The following ESRRG variants were observed in gnomAD, a reference collection of about 807,000 sequenced individuals.
The protein encoded by ESRRG is estrogen related receptor gamma.
In ESRRG, 13 loss-of-function variants were observed where a neutral mutation model predicts 44.0. The observed-to-expected ratio is 0.30, with a 90% confidence interval of 0.19 to 0.47. The LOEUF (loss-of-function observed/expected upper bound fraction) is 0.47, where lower values mean the gene tolerates loss of function less well. ESRRG is among the 20% of genes least tolerant of loss of function. The pLI is 1.00. For synonymous variants in ESRRG, 215 were observed against 214.6 expected, an observed-to-expected ratio of 1.00 and a Z score of -0.02; for missense variants, 395 against 580.6, an observed-to-expected ratio of 0.68 and a Z score of 3.29.
intron 2 of ESRRG, among the ~76,000 whole-genome samples, chr1:216,663,254 C>G (rs572993743): frequency 6.6e-6 from 1 of 151,944 alleles, no homozygotes; most frequent in East Asian, 1.9e-4. Context: ...GAGGCAAAAG[C>G]AGGGGAAAAA....
At chr1:217,053,253 G>A (rs781083056) in intron 1 of ESRRG, among the ~76,000 whole-genome samples, 2 of 151,786 alleles carry the variant, frequency 1.3e-5, no homozygotes, top group African/African-American at 4.8e-5. Context: ...TCAGGAGTTC[G>A]AGACCAGCCT....
intron 1 of ESRRG, among the ~76,000 whole-genome samples, chr1:217,136,608 G>A (rs1214101623): frequency 6.6e-6 from 1 of 152,138 alleles, no homozygotes; most frequent in Admixed American, 6.5e-5. Context: ...TGCTGCACCC[G>A]CTCACATCTG....
At chr1:216,819,309 G>T (rs2095235660) in intron 2 of ESRRG, among the ~76,000 whole-genome samples, 1 of 151,998 alleles carries the variant, frequency 6.6e-6, no homozygotes, top group Non-Finnish European at 1.5e-5. Flanking sequence ...ACCCTTTATT[G>T]TCTCACAACA....
At chr1:216,584,294 T>C (rs2149860528) in intron 3 of ESRRG, among the ~76,000 whole-genome samples, 1 of 151,938 alleles carries the variant, frequency 6.6e-6, no homozygotes, top group South Asian at 2.1e-4. Flanking sequence ...TCTTGTTCTG[T>C]TGCCCAGGCT....
Position 216,917,158 on chromosome 1 carries a change from CT to C in ESRRG, c.-14+22423del, listed in dbSNP as rs534545705. ...CTCTCCAGCAGCATAAATAGACTTTCTTTTTTTTTTTTTTTTTACCAGGTGA... is the reference window on the plus strand; with the variant it reads ...CTCTCCAGCAGCATAAATAGACTTTCTTTTTTTTTTTTTTTTACCAGGTGA... On this transcript the variant is annotated intron_variant, in intron 2 of 7. Transcript: ENST00000359162. Among the ~76,000 whole-genome samples the C allele has an allele frequency of 4.6e-3, 602 of 130,530 alleles. 1 individual carries two copies. The highest frequency in any genetic ancestry group is 0.014 in the East Asian group (65 of 4,530). The allele number at this position is 130,530 out of a possible 152,430, so 85.6% of individuals were successfully genotyped here.
chr1:216,603,136 C>T (rs2059464523), intron 3 of ESRRG, among the ~76,000 whole-genome samples: 1 of 152,138 alleles, frequency 6.6e-6, no homozygotes, highest in Non-Finnish European at 1.5e-5. Context: ...CAAAAAATCC[C>T]ATTTTAATGA....
intron 2 of ESRRG, among the ~76,000 whole-genome samples, chr1:216,923,421 G>A (rs1214824898): frequency 2.0e-5 from 3 of 151,772 alleles, no homozygotes; most frequent in East Asian, 1.9e-4. Context: ...TGTGTCATTC[G>A]TTAAGCAAGA....
chr1:216,600,373 C>A (rs1221644362), intron 3 of ESRRG, among the ~76,000 whole-genome samples: 2 of 151,994 alleles, frequency 1.3e-5, no homozygotes, highest in Non-Finnish European at 1.5e-5. Context: ...CATGCGGATT[C>A]ATCGATTGTT....
At chr1:216,670,351 A>C (rs1443443470) in intron 2 of ESRRG, among the ~76,000 whole-genome samples, 1 of 152,272 alleles carries the variant, frequency 6.6e-6, no homozygotes, top group Non-Finnish European at 1.5e-5. Flanking sequence ...CTATGCCCGC[A>C]TGCCTTTAGC....
At chr1:216,732,201 A>G (rs2088953435) in intron 2 of ESRRG, among the ~76,000 whole-genome samples, 1 of 152,076 alleles carries the variant, frequency 6.6e-6, no homozygotes, top group Non-Finnish European at 1.5e-5. Flanking sequence ...TTTAACATTA[A>G]CAAGGCAATT....
At chr1:217,131,241 A>T (rs955165872) in intron 1 of ESRRG, among the ~76,000 whole-genome samples, 4 of 152,218 alleles carry the variant, frequency 2.6e-5, no homozygotes, top group Non-Finnish European at 5.9e-5. Context: ...AAATTTCTAC[A>T]TAAAAAGGCA....
At chr1:216,735,256 T>G (rs577610824) in intron 2 of ESRRG, among the ~76,000 whole-genome samples, 2 of 152,040 alleles carry the variant, frequency 1.3e-5, no homozygotes, top group Non-Finnish European at 2.9e-5. Flanking sequence ...TCACCCAGGC[T>G]GGAGTGCAGT....
At chr1:216,881,862 A>G (rs1352389641) in intron 2 of ESRRG, among the ~76,000 whole-genome samples, 1 of 152,142 alleles carries the variant, frequency 6.6e-6, no homozygotes, top group East Asian at 1.9e-4. Flanking sequence ...CTGGTAACTG[A>G]CTTTTATAGC....
At chr1:216,976,470 G>C (rs1423551545) in intron 1 of ESRRG, among the ~76,000 whole-genome samples, 1 of 152,120 alleles carries the variant, frequency 6.6e-6, no homozygotes, top group African/African-American at 2.4e-5. Flanking sequence ...CCATGTCTGT[G>C]CTGTTGGCTG....
chr1:216,874,466 C>A (rs557099566), intron 2 of ESRRG, among the ~76,000 whole-genome samples: 2 of 152,144 alleles, frequency 1.3e-5, no homozygotes, highest in South Asian at 4.2e-4. Flanking sequence ...ACCAGTGTAC[C>A]CTCATCTAAC....
chr1:216,732,866 G>A (rs1486570626), intron 2 of ESRRG, among the ~76,000 whole-genome samples: 1 of 140,066 alleles, frequency 7.1e-6, no homozygotes, highest in Non-Finnish European at 1.6e-5. Flanking sequence ...GGAGGAGGGG[G>A]ACTCTTGTGG....
At chr1:216,632,908 C>T (rs2064519557) in intron 3 of ESRRG, among the ~76,000 whole-genome samples, 1 of 152,110 alleles carries the variant, frequency 6.6e-6, no homozygotes, top group South Asian at 2.1e-4. Context: ...CTATAGACAG[C>T]TGGCTTTGTA....
chr1:216,960,117 A>C (rs2150164059), intron 1 of ESRRG, among the ~76,000 whole-genome samples: 1 of 144,604 alleles, frequency 6.9e-6, no homozygotes, highest in East Asian at 2.0e-4. Context: ...TAGAACATTG[A>C]AGAATAAAGT....
intron 2 of ESRRG, among the ~76,000 whole-genome samples, chr1:216,904,849 A>G (rs2059508780): frequency 6.6e-6 from 1 of 152,168 alleles, no homozygotes; most frequent in South Asian, 2.1e-4. Flanking sequence ...TGCACTGAAC[A>G]GTGATAAGAA....
Sources: allele counts gnomAD v4.1 joint callset (sites outside exome capture counted in the v4.1 genomes callset), GRCh38; gene constraint gnomAD v4.1.1; transcripts MANE v1.5; gene names NCBI Gene and HGNC (gene_info 2026-07-23, HGNC 2026-07-21).